MAEL: variants seen among roughly 807,000 people sequenced by gnomAD.
MAEL encodes the protein maelstrom spermatogenic transposon silencer.
In MAEL, 46 loss-of-function variants were observed where a neutral mutation model predicts 62.0. The observed-to-expected ratio is 0.74, with a 90% CI of 0.59 to 0.95. The LOEUF is 0.95. MAEL is among the 40% of genes least tolerant of loss of function. The probability of loss-of-function intolerance (pLI) is 0.00; values close to 1 mark genes in which losing one functional copy is unlikely to be tolerated. For synonymous variants in MAEL, 172 were observed against 175.5 expected, an observed-to-expected ratio of 0.98 and a Z score of 0.16; for missense variants, 497 against 526.8, an observed-to-expected ratio of 0.94 and a Z score of 0.55.
intron 5 of MAEL, 98 bp downstream of exon 5, chr1:166,994,167 A>G (rs926946424): frequency 8.8e-7 from 1 of 1,136,352 alleles, no homozygotes; most frequent in Non-Finnish European, 1.3e-6. Context: ...TAAGAGGAAA[A>G]TAACTTTAGG....
At chr1:166,985,194 A>G (rs1032456541), upstream of MAEL, among the ~76,000 whole-genome samples, 6 of 152,332 alleles carry the variant, frequency 3.9e-5, no homozygotes, top group Middle Eastern at 3.4e-3. Context: ...ATGCAGTATC[A>G]CAATGGGTTA....
chr1:167,007,557 TTGTGTGTGTGTG>T (rs71073634), intron 8 of MAEL, among the ~76,000 whole-genome samples: 39 of 128,474 alleles, frequency 3.0e-4, no homozygotes, highest in Middle Eastern at 7.7e-3. Flanking sequence ...AAATATATGT[TTGTGTGTGTGTG>T]TGTGTGTGTG....
chr1:167,005,166 A>C, intron 7 of MAEL, 36 bp downstream of exon 7: 1 of 1,612,374 alleles, frequency 6.2e-7, no homozygotes, highest in Non-Finnish European at 8.5e-7. Flanking sequence ...GAAGTGCTTT[A>C]TAGTTAATAT....
chr1:166,991,388 T>C lies in MAEL; in HGVS notation c.236T>C (p.Phe79Ser), dbSNP rs1664167777. ...PGPSEKQKPV[F>S]TPLRRPGMLV... ...TCTCTTCCTCTTTAGAAACCTGTTT[T>C]CACACCACTGAGGAGGCCAGGCATG... The change falls in exon 3 of 12, where the codon TTC (phenylalanine) becomes TCC (serine). Residue 79 changes from phenylalanine (F) to serine (S), a missense_variant. Physicochemically the swap from Phe to Ser is radical, Grantham distance 155 (BLOSUM62 -2). Coordinates refer to ENST00000367872, the MANE Select transcript of MAEL (RefSeq NM_032858.3). The C allele has an allele frequency of 6.2e-7, 1 of 1,610,408 alleles. No homozygotes were observed. Among genetic ancestry groups the C allele is most frequent in the Non-Finnish European group, 8.5e-7 (1 of 1,176,854 alleles).
At chr1:166,999,229 G>C (rs1450022850) in intron 5 of MAEL, among the ~76,000 whole-genome samples, 2 of 152,178 alleles carry the variant, frequency 1.3e-5, no homozygotes, top group Admixed American at 6.5e-5. Flanking sequence ...CAAAAACTAG[G>C]CTTCTTGTGC....
intron 3 of MAEL, among the ~76,000 whole-genome samples, chr1:166,992,425 A>C (rs1664218656): frequency 6.6e-6 from 1 of 152,170 alleles, no homozygotes; most frequent in Non-Finnish European, 1.5e-5. Flanking sequence ...CGAATTATGT[A>C]GAGCTGGCTG....
At chr1:167,012,080 TATG>T (rs1264985889) in intron 8 of MAEL, among the ~76,000 whole-genome samples, 2 of 152,196 alleles carry the variant, frequency 1.3e-5, no homozygotes, top group African/African-American at 4.8e-5. Flanking sequence ...GATTCAAATG[TATG>T]ATATTTTACA....
intron 5 of MAEL, among the ~76,000 whole-genome samples, chr1:166,994,868 C>T (rs1376521815): frequency 1.3e-5 from 2 of 151,268 alleles, no homozygotes; most frequent in African/African-American, 2.4e-5. Flanking sequence ...CAGGGTTTCA[C>T]GATGTTGGCC....
chr1:167,004,371 G>T lies in MAEL; in HGVS notation c.648+67G>T, dbSNP rs1664801452. Reference sequence around the variant, plus strand: ...AGTACCAAAAGATCCATAAAACAAAGAATTTTTGCCTGTGTATTTTTGTCT... The same window carrying T: ...AGTACCAAAAGATCCATAAAACAAATAATTTTTGCCTGTGTATTTTTGTCT... On this transcript the variant is annotated intron_variant, in intron 6 of 11. Coordinates refer to ENST00000367872, the MANE Select transcript of MAEL (RefSeq NM_032858.3). 5.5e-6 allele frequency: 8 copies of T among 1,445,346 alleles called. No homozygotes were observed. The East Asian group carries it at 1.9e-4, about 34-fold the overall frequency. The allele number at this position is 1,445,346 out of a possible 1,614,324, so 89.5% of individuals were successfully genotyped here. A position where few individuals can be genotyped will look rare whatever the true frequency, so the allele number is the denominator to read the frequency against.
chr1:167,004,096 C>G (rs1306609407), intron 5 of MAEL, 84 bp from the exon 6 acceptor site: 1 of 1,218,160 alleles, frequency 8.2e-7, no homozygotes, highest in Non-Finnish European at 1.2e-6. Context: ...ACCCACTACT[C>G]TCTTCTTGTA....
upstream of MAEL, among the ~76,000 whole-genome samples, chr1:166,986,945 CGT>C (rs58393275): frequency 8.5e-3 from 1,251 of 147,082 alleles, 11 homozygotes; most frequent in African/African-American, 0.021. Context: ...AGGAAGGGGA[CGT>C]GTGTGTGTGT....
intron 8 of MAEL, among the ~76,000 whole-genome samples, chr1:167,008,693 T>TA (rs1467642495): frequency 2.0e-5 from 3 of 152,086 alleles, no homozygotes; most frequent in Non-Finnish European, 2.9e-5. Flanking sequence ...ATGTGTTTAG[T>TA]AGAGTGAATT....
intron 5 of MAEL, among the ~76,000 whole-genome samples, chr1:167,003,010 C>T (rs771557042): frequency 4.6e-5 from 7 of 152,060 alleles, no homozygotes; most frequent in East Asian, 1.9e-4. Flanking sequence ...TTTGTCTCTG[C>T]GGGTCTTTGA....
At chr1:167,006,916 G>A (rs1288622096) in intron 8 of MAEL, among the ~76,000 whole-genome samples, 3 of 151,698 alleles carry the variant, frequency 2.0e-5, no homozygotes, top group East Asian at 3.9e-4. Flanking sequence ...GATTACATGC[G>A]TGAGCCACTG....
chr1:166,991,316 A>T, intron 2 of MAEL, 62 bp from the exon 3 acceptor site: 2 of 1,010,244 alleles, frequency 2.0e-6, no homozygotes, highest in Non-Finnish European at 3.1e-6. Flanking sequence ...GCTAAATTTT[A>T]ATGTATGGTC....
intron 8 of MAEL, chr1:167,012,235 A>G (rs1222321342): frequency 6.6e-6 from 1 of 152,232 alleles, no homozygotes; most frequent in Non-Finnish European, 1.5e-5. Context: ...TGTTTTGTCT[A>G]GTTCTAAGAG....
chr1:166,995,250 T>G (rs1664371754), intron 5 of MAEL, among the ~76,000 whole-genome samples: 2 of 152,032 alleles, frequency 1.3e-5, no homozygotes, highest in South Asian at 4.1e-4. Context: ...CTTTTTTGTT[T>G]TTTTTTGGAG....
upstream of MAEL, among the ~76,000 whole-genome samples, chr1:166,986,484 G>C (rs1229148107): frequency 6.6e-6 from 1 of 152,154 alleles, no homozygotes; most frequent in Non-Finnish European, 1.5e-5. Context: ...CTGCTTGTCT[G>C]TTTGGGAAGA....
intron 5 of MAEL, among the ~76,000 whole-genome samples, chr1:167,001,369 C>T (rs943239439): frequency 5.3e-5 from 8 of 152,178 alleles, no homozygotes; most frequent in Admixed American, 5.2e-4. Flanking sequence ...AAAGAACTTA[C>T]TCGTGTGACC....
Sources: gnomAD v4.1 joint callset for allele counts (sites outside exome capture counted in the v4.1 genomes callset) on GRCh38, gnomAD v4.1.1 for gene constraint, MANE v1.5 for transcripts, NCBI Gene and HGNC (gene_info 2026-07-23, HGNC 2026-07-21) for gene names.